The following CERS4 variants were observed in gnomAD, a reference collection of about 807,000 sequenced individuals.
CERS4 encodes LAG1 homolog, ceramide synthase 4.
Under a neutral mutation model 51.8 loss-of-function variants are expected in CERS4, and 65 were observed. The observed-to-expected ratio is 1.26, with a 90% CI of 1.03 to 1.54. The LOEUF (loss-of-function observed/expected upper bound fraction) is 1.54, where lower values mean the gene tolerates loss of function less well. CERS4 is among the 40% of genes most tolerant of loss of function. The pLI is 0.00. For synonymous variants in CERS4, 228 were observed against 208.4 expected (o/e 1.09, Z -0.81); for missense variants, 563 against 500.4 (o/e 1.13, Z -1.19).
At chr19:8,247,979 C>G (rs1279039739) in intron 2 of CERS4, among the ~76,000 whole-genome samples, 1 of 152,024 alleles carries the variant, frequency 6.6e-6, no homozygotes, top group East Asian at 1.9e-4. Flanking sequence ...GATGATCCAC[C>G]CGCTTCAGCC....
chr19:8,255,064 C>T (rs1213315256), intron 4 of CERS4, among the ~76,000 whole-genome samples: 1 of 152,170 alleles, frequency 6.6e-6, no homozygotes, highest in East Asian at 1.9e-4. Context: ...CCCTGTGACC[C>T]TCCCTCCATT....
At chr19:8,240,308 C>G (rs1968470787) in intron 2 of CERS4, among the ~76,000 whole-genome samples, 2 of 151,994 alleles carry the variant, frequency 1.3e-5, no homozygotes, top group South Asian at 4.1e-4. Flanking sequence ...TGGGGTCCAC[C>G]TTGGGGTCTT....
At chr19:8,259,750 T>C (rs560513365) in intron 10 of CERS4, among the ~76,000 whole-genome samples, 4 of 152,046 alleles carry the variant, frequency 2.6e-5, no homozygotes, top group Admixed American at 6.6e-5. Flanking sequence ...GGCATGCCAG[T>C]CTGGGCTTCT....
intron 2 of CERS4, among the ~76,000 whole-genome samples, chr19:8,248,803 G>C (rs931783272): frequency 4.7e-5 from 7 of 149,628 alleles, no homozygotes; most frequent in African/African-American, 1.7e-4. Context: ...TAGGTGGATA[G>C]ATGATGTTTG....
At chr19:8,216,689 T>A (rs532181803) in intron 2 of CERS4, among the ~76,000 whole-genome samples, 10 of 152,168 alleles carry the variant, frequency 6.6e-5, no homozygotes, top group African/African-American at 2.4e-4. Context: ...TGGAGTGAAA[T>A]TTCTTGTCTA....
At chr19:8,247,629 A>G (rs1336059237) in intron 2 of CERS4, among the ~76,000 whole-genome samples, 1 of 151,996 alleles carries the variant, frequency 6.6e-6, no homozygotes, top group Non-Finnish European at 1.5e-5. Flanking sequence ...TATGTTGCCC[A>G]GGCTGGTCTT....
rs201536694 is a variant in CERS4 at position 8,261,660 on chromosome 19, C to T, written c.849-28C>T. 52 of 1,613,170 alleles carry T rather than the reference C, an allele frequency of 3.2e-5. No homozygotes were observed. In the African/African-American group the frequency reaches 6.3e-4, roughly 19 times the overall value. ...GGGGCTACAGCGGCTGGTCAAACCC[C>T]AGCCTCCTCCTCTCCCCCTGGCTGT... On this transcript the variant is annotated intron_variant, in intron 10 of 11. Coordinates refer to ENST00000251363, the MANE Select transcript of CERS4 (RefSeq NM_024552.3).
At position 8,224,282 on chromosome 19, in the gene CERS4, T is replaced by C. The variant is rs555880261; in HGVS notation, c.-2+13420T>C. ...ATTAGCCGGGTGTGGTGGCACGCGCTTGTAATCCCAGCTACTCAGGAGGCT... is the reference window on the plus strand; with the variant it reads ...ATTAGCCGGGTGTGGTGGCACGCGCCTGTAATCCCAGCTACTCAGGAGGCT... On this transcript the variant is annotated intron_variant, in intron 2 of 11. Transcript: ENST00000251363. Among the ~76,000 whole-genome samples the C allele has an allele frequency of 6.6e-4, 96 of 145,326 alleles. 1 individual carries two copies. The highest frequency in any genetic ancestry group is 4.3e-3 in the Middle Eastern group (1 of 234).
In CERS4 at chr19:8,261,974, TGAG is replaced by T; in HGVS notation, c.1055_1057del (p.Glu352del). 6.2e-7 allele frequency: 1 copy of T among 1,603,114 alleles called. No homozygotes were observed. Among genetic ancestry groups the T allele is most frequent in the Non-Finnish European group, 8.5e-7 (1 of 1,174,990 alleles). On this transcript the variant is annotated inframe_deletion, in exon 12 of 12. Transcript: ENST00000251363. Reference sequence around the variant, plus strand: ...GTGATGTAGAAGAATCAGACTCCAGTGAGGAGGCGGCGGCGGCCCAGGAACCTC... The same window carrying T: ...GTGATGTAGAAGAATCAGACTCCAGTGAGGCGGCGGCGGCCCAGGAACCTC...
At chr19:8,235,761 G>A (rs553645279) in intron 2 of CERS4, among the ~76,000 whole-genome samples, 2 of 151,992 alleles carry the variant, frequency 1.3e-5, no homozygotes, top group Non-Finnish European at 2.9e-5. Context: ...CAGGCTGGTG[G>A]CATGTGTCTG....
At chr19:8,231,680 C>G (rs977492523) in intron 2 of CERS4, among the ~76,000 whole-genome samples, 2 of 151,630 alleles carry the variant, frequency 1.3e-5, no homozygotes, top group African/African-American at 4.8e-5. Flanking sequence ...TCCCGAGTAG[C>G]TGGGATTACA....
In CERS4 at chr19:8,245,827, A is replaced by G. The variant is rs529849133; in HGVS notation, c.-1-5249A>G. 4.8e-5 allele frequency among the ~76,000 whole-genome samples: 7 copies of G among 144,948 alleles called. No homozygotes were observed. The East Asian group carries it at 1.1e-3, about 22-fold the overall frequency. On this transcript the variant is annotated intron_variant, in intron 2 of 11. Coordinates refer to ENST00000251363, the MANE Select transcript of CERS4 (RefSeq NM_024552.3). Reference sequence around the variant, plus strand: ...AGTGCTGGGATTACAGGCTTGAGCCACCATGCCCGGCCTATTTTTATTTTG... The same window carrying G: ...AGTGCTGGGATTACAGGCTTGAGCCGCCATGCCCGGCCTATTTTTATTTTG...
chr19:8,236,329 G>A (rs1165028450), intron 2 of CERS4, among the ~76,000 whole-genome samples: 1 of 152,180 alleles, frequency 6.6e-6, no homozygotes, highest in Admixed American at 6.6e-5. Flanking sequence ...GCGTTAGTAA[G>A]GTTTTCTTTG....
rs747296402 is a variant in CERS4, at chr19:8,256,304, T to A, written c.519+18T>A. ...CAAACCAGGTGAGTGGCAGAGTGTGTGTGAATGCTTGGAGGGTGAGGGCGA... is the reference window on the plus strand; with the variant it reads ...CAAACCAGGTGAGTGGCAGAGTGTGAGTGAATGCTTGGAGGGTGAGGGCGA... On this transcript the variant is annotated intron_variant, in intron 7 of 11. Coordinates refer to ENST00000251363, the MANE Select transcript of CERS4 (RefSeq NM_024552.3). The A allele has an allele frequency of 6.2e-7, 1 of 1,612,918 alleles. No individual in the cohort carries two copies. The highest frequency in any genetic ancestry group is 8.5e-7 in the Non-Finnish European group (1 of 1,179,538).
At chr19:8,248,474 CAGAT>C (rs1243822238) in intron 2 of CERS4, among the ~76,000 whole-genome samples, 3 of 151,582 alleles carry the variant, frequency 2.0e-5, no homozygotes, top group African/African-American at 4.9e-5. Context: ...GATGGGTGGA[CAGAT>C]GGATGATGAA....
intron 2 of CERS4, among the ~76,000 whole-genome samples, chr19:8,223,798 A>G (rs1422684772): frequency 6.6e-6 from 1 of 150,766 alleles, no homozygotes; most frequent in Non-Finnish European, 1.5e-5. Flanking sequence ...AAACAAAAAC[A>G]CAAAAAACAG....
At position 8,261,176 on chromosome 19, in the gene CERS4, G is replaced by A. The variant is rs531708426; in HGVS notation, c.849-512G>A. The A allele has an allele frequency of 4.8e-4, 75 of 155,284 alleles. No homozygotes were observed. The Middle Eastern group carries it at 0.013, about 27-fold the overall frequency. 9.6% of individuals were successfully genotyped at this position (155,284 alleles called of 1,614,324 possible). A position where few individuals can be genotyped will look rare whatever the true frequency, so the allele number is the denominator to read the frequency against. On this transcript the variant is annotated intron_variant, in intron 10 of 11. Coordinates refer to ENST00000251363, the MANE Select transcript of CERS4 (RefSeq NM_024552.3). ...GGGAGACAAAGCCCCACCTCTGTCCGGCTACCCGGGAGATGAGGCCCCACC... is the reference window on the plus strand; with the variant it reads ...GGGAGACAAAGCCCCACCTCTGTCCAGCTACCCGGGAGATGAGGCCCCACC...
At chr19:8,261,518 A>AG in intron 10 of CERS4, 170 bp from the exon 11 acceptor site, 1 of 694,640 alleles carries the variant, frequency 1.4e-6, no homozygotes, top group Non-Finnish European at 2.5e-6. Flanking sequence ...TACAAGCGAG[A>AG]GGGGGCCTCG....
intron 2 of CERS4, among the ~76,000 whole-genome samples, chr19:8,229,352 C>T (rs1181669263): frequency 2.0e-5 from 3 of 152,106 alleles, no homozygotes; most frequent in East Asian, 3.8e-4. Context: ...AACTCACATG[C>T]ATGTGGACTA....
Sources: allele counts gnomAD v4.1 joint callset (sites outside exome capture counted in the v4.1 genomes callset), GRCh38; gene constraint gnomAD v4.1.1; transcripts MANE v1.5; gene names NCBI Gene and HGNC (gene_info 2026-07-23, HGNC 2026-07-21).